LRRK2: variants seen among roughly 807,000 people sequenced by gnomAD.
LRRK2 encodes the protein leucine-rich repeat serine/threonine-protein kinase 2.
A neutral mutation model predicts 302.6 loss-of-function variants in LRRK2; 203 were observed. That is an observed-to-expected ratio of 0.67 (90% CI 0.60 to 0.75). The LOEUF is 0.75. LRRK2 is among the 30% of genes least tolerant of loss of function. The pLI, the probability that LRRK2 is intolerant of heterozygous loss-of-function variation, is 0.00. For synonymous variants in LRRK2, 1,066 were observed against 1,031.9 expected, an observed-to-expected ratio of 1.03 and a Z score of -0.63; for missense variants, 2,830 against 2,951.0, an observed-to-expected ratio of 0.96 and a Z score of 0.95.
chr12:40,357,964 C>T (rs1425190521), intron 46 of LRRK2, among the ~76,000 whole-genome samples: 1 of 152,006 alleles, frequency 6.6e-6, no homozygotes, highest in Non-Finnish European at 1.5e-5. Context: ...GATGCGGCTC[C>T]ACTATGTTGT....
At chr12:40,244,814 C>A (rs1249137102) in intron 7 of LRRK2, among the ~76,000 whole-genome samples, 1 of 151,416 alleles carries the variant, frequency 6.6e-6, no homozygotes, top group African/African-American at 2.4e-5. Flanking sequence ...AGCGCACCAA[C>A]ATGGCACATG....
At chr12:40,238,148 A>G (rs1158737954) in intron 5 of LRRK2, 45 bp downstream of exon 5, 1 of 1,574,698 alleles carries the variant, frequency 6.4e-7, no homozygotes, top group South Asian at 1.1e-5. Flanking sequence ...TAAGAAAAAA[A>G]GGCTTATACT....
At chr12:40,322,241 A>G (rs1945425036) in intron 36 of LRRK2, 60 bp downstream of exon 36, 1 of 1,583,754 alleles carries the variant, frequency 6.3e-7, no homozygotes, top group South Asian at 1.2e-5. Context: ...AACTTAAAAA[A>G]AAAAAAAACT....
intron 18 of LRRK2, among the ~76,000 whole-genome samples, chr12:40,283,435 A>G (rs1943788388): frequency 6.6e-6 from 1 of 152,226 alleles, no homozygotes; most frequent in South Asian, 2.1e-4. Flanking sequence ...ATTTTACAAT[A>G]GCTATGTCCC....
Position 40,348,404 on chromosome 12 carries a change from T to C in LRRK2, c.6281-5T>C, listed in dbSNP as rs1946259604. 5.7e-6 allele frequency: 9 copies of C among 1,584,658 alleles called. No individual in the cohort carries two copies. Among genetic ancestry groups the C allele is most frequent in the Non-Finnish European group, 7.8e-6 (9 of 1,153,614 alleles). ...ATGCTAGCATGATGTTTTTTAATGTTTTAGATCCAGTTAAAGAATATGGTT... is the reference window on the plus strand; with the variant it reads ...ATGCTAGCATGATGTTTTTTAATGTCTTAGATCCAGTTAAAGAATATGGTT... On this transcript the variant is annotated splice_polypyrimidine_tract_variant and splice_region_variant and intron_variant, in intron 42 of 50. Coordinates refer to ENST00000298910, the MANE Select transcript of LRRK2 (RefSeq NM_198578.4).
At position 40,321,024 on chromosome 12, in the gene LRRK2, T is replaced by A. The variant is rs1361886090; in HGVS notation, c.5016-10T>A. The A allele has an allele frequency of 1.2e-6, 2 of 1,612,394 alleles. No homozygotes were observed. Among genetic ancestry groups the A allele is most frequent in the East Asian group, 4.5e-5 (2 of 44,804 alleles). ...GAGGCTGTATAACCATAGTGTCCTT[T>A]TGCCTTTAGTTTGTCTGACCACAGG... is the stretch of plus-strand genomic sequence containing the variant. On this transcript the variant is annotated splice_polypyrimidine_tract_variant and intron_variant, in intron 34 of 50. Coordinates refer to ENST00000298910, the MANE Select transcript of LRRK2 (RefSeq NM_198578.4).
At chr12:40,241,972 A>G (rs1941742520) in intron 6 of LRRK2, among the ~76,000 whole-genome samples, 1 of 152,162 alleles carries the variant, frequency 6.6e-6, no homozygotes, top group Non-Finnish European at 1.5e-5. Flanking sequence ...GTTTTTCATT[A>G]TACTTTTTCC....
chr12:40,350,501 C>T (rs1043081614), intron 43 of LRRK2, among the ~76,000 whole-genome samples: 1 of 152,090 alleles, frequency 6.6e-6, no homozygotes, highest in Non-Finnish European at 1.5e-5. Flanking sequence ...CCTTGTCCAC[C>T]ATATTATCTG....
chr12:40,320,488 TAAAC>T (rs890111299), intron 34 of LRRK2, among the ~76,000 whole-genome samples: 14 of 152,116 alleles, frequency 9.2e-5, no homozygotes, highest in Middle Eastern at 3.4e-3. Context: ...TGTGTGTTCT[TAAAC>T]AACACTGAGA....
At chr12:40,315,857 T>C (rs1162627412) in intron 33 of LRRK2, among the ~76,000 whole-genome samples, 1 of 152,078 alleles carries the variant, frequency 6.6e-6, no homozygotes, top group Non-Finnish European at 1.5e-5. Flanking sequence ...TTAGTTATAA[T>C]AATCCATCTC....
At chr12:40,317,924 A>C (rs1945275178) in intron 33 of LRRK2, among the ~76,000 whole-genome samples, 1 of 151,990 alleles carries the variant, frequency 6.6e-6, no homozygotes, top group Non-Finnish European at 1.5e-5. Flanking sequence ...TCTGCTCCAC[A>C]TGGTATTGGC....
rs60185966 is a variant in LRRK2 at position 40,304,040 on chromosome 12, G to T, written c.3683G>T (p.Ser1228Ile). Residue 1228 changes from serine (S) to isoleucine (I), a missense_variant, in exon 27 of 51, where the codon AGC becomes ATC. Around this residue, in one of 3 missense-constraint regions of LRRK2, gnomAD observed 2,121 missense variants for 2,148.0 expected, o/e 0.99. Transcript: ENST00000298910. ...TTGAACTTAAGGGAACTCTTATTTA[G>T]CCATAATCAGATCAGCATCTTGGAC... ...KSLNLRELLF[S>I]HNQISILDLS... 6.2e-7 allele frequency: 1 copy of T among 1,613,644 alleles called. No individual in the cohort carries two copies. The highest frequency in any genetic ancestry group is 8.5e-7 in the Non-Finnish European group (1 of 1,179,732).
At chr12:40,315,156 C>A in intron 32 of LRRK2, 56 bp from the exon 33 acceptor site, 1 of 1,405,862 alleles carries the variant, frequency 7.1e-7, no homozygotes, top group Non-Finnish European at 1.0e-6. Flanking sequence ...TTTCTAAAGC[C>A]CCTTGATATT....
chr12:40,303,110 TTTAA>T (rs1216584478), intron 26 of LRRK2, among the ~76,000 whole-genome samples: 4 of 152,146 alleles, frequency 2.6e-5, no homozygotes, highest in Non-Finnish European at 5.9e-5. Context: ...CTTAAGATTG[TTTAA>T]TTAATTGCTG....
intron 14 of LRRK2, 30 bp from the exon 15 acceptor site, chr12:40,274,553 T>A (rs1943368614): frequency 6.2e-7 from 1 of 1,611,646 alleles, no homozygotes; most frequent in Admixed American, 1.7e-5. Context: ...AAGATCTCAT[T>A]TTTAACAGCG....
intron 46 of LRRK2, among the ~76,000 whole-genome samples, chr12:40,358,181 T>G (rs1255257530): frequency 6.6e-6 from 1 of 152,142 alleles, no homozygotes; most frequent in Admixed American, 6.6e-5. Flanking sequence ...ATTTAATGGA[T>G]CCTCTCTATA....
At chr12:40,238,866 C>T (rs1941593806) in intron 5 of LRRK2, among the ~76,000 whole-genome samples, 1 of 152,064 alleles carries the variant, frequency 6.6e-6, no homozygotes, top group Admixed American at 6.6e-5. Context: ...CCTGTCTCCT[C>T]CCAGAAGGAT....
intron 24 of LRRK2, among the ~76,000 whole-genome samples, chr12:40,298,796 T>TATAA (rs1944488270): frequency 8.5e-6 from 1 of 117,386 alleles, no homozygotes; most frequent in African/African-American, 3.2e-5. Flanking sequence ...TATATATATA[T>TATAA]ATAATATATG....
rs1943816750 is a variant in LRRK2 at position 40,284,104 on chromosome 12, A to G, written c.2471A>G (p.Asp824Gly). The stretch of plus-strand genomic sequence containing the variant: ...TCTTGGCTTGGTCCTTTATTTCCAG[A>G]TAAGACTTCTAATTTAAGGAAACAA... ...EPSWLGPLFP[D>G]KTSNLRKQTN... Residue 824 changes from aspartate (D) to glycine (G), a missense_variant, in exon 19 of 51, where the codon GAT becomes GGT. Transcript: ENST00000298910. 6.2e-7 allele frequency: 1 copy of G among 1,611,864 alleles called. No individual in the cohort carries two copies. The highest frequency in any genetic ancestry group is 8.5e-7 in the Non-Finnish European group (1 of 1,178,538).
Sources: allele counts gnomAD v4.1 joint callset (sites outside exome capture counted in the v4.1 genomes callset), GRCh38; gene constraint gnomAD v4.1.1; regional missense constraint gnomAD v4.1.1; transcripts MANE v1.5; gene names NCBI Gene and HGNC (gene_info 2026-07-23, HGNC 2026-07-21).